Variants in SERGEF observed in about 807,000 individuals in gnomAD.
SERGEF encodes secretion-regulating guanine nucleotide exchange factor.
In SERGEF, 51 loss-of-function variants were observed where a neutral mutation model predicts 50.0. The observed-to-expected ratio is 1.02, with a 90% confidence interval of 0.81 to 1.29. The LOEUF is 1.29. Ranked by LOEUF, SERGEF falls within the 50% of genes most tolerant of loss-of-function variation. SERGEF has a pLI of 0.00. For missense variants in SERGEF, 521 were observed against 557.0 expected, an observed-to-expected ratio of 0.94 and a Z score of 0.65; for synonymous variants, 205 against 212.4, an observed-to-expected ratio of 0.97 and a Z score of 0.30.
intron 9 of SERGEF, among the ~76,000 whole-genome samples, chr11:17,920,043 C>T (rs1436793572): frequency 4.0e-5 from 6 of 151,578 alleles, no homozygotes; most frequent in Admixed American, 2.6e-4. Context: ...GTCAGGGAAT[C>T]GAGACTATCC....
chr11:17,830,265 T>C (rs1286744861), intron 10 of SERGEF, among the ~76,000 whole-genome samples: 2 of 152,242 alleles, frequency 1.3e-5, no homozygotes, highest in Non-Finnish European at 2.9e-5. Flanking sequence ...TAATGCTGAT[T>C]GAATGCATGA....
rs1851471763 is a variant in SERGEF at position 17,888,537 on chromosome 11, A to C, written c.1012-10293T>G. On this transcript the variant is annotated intron_variant, in intron 9 of 10. Coordinates refer to ENST00000265965, the MANE Select transcript of SERGEF (RefSeq NM_012139.4). The surrounding 1 kb of genome is among the most constrained non-coding windows in gnomAD (Gnocchi z 4.1). ...GGAGCCAGAATGCTCACTGTAGTTG[A>C]AGGAAACACAAATATAGAATGAGAG... is the stretch of plus-strand genomic sequence containing the variant. 6.6e-6 allele frequency among the ~76,000 whole-genome samples: 1 copy of C among 152,102 alleles called. No individual in the cohort carries two copies.
At chr11:17,891,188 G>A (rs1851526718) in intron 9 of SERGEF, among the ~76,000 whole-genome samples, 1 of 152,166 alleles carries the variant, frequency 6.6e-6, no homozygotes, top group Non-Finnish European at 1.5e-5. Flanking sequence ...AGATGAACAA[G>A]TAGAAACACA....
intron 9 of SERGEF, among the ~76,000 whole-genome samples, chr11:17,905,824 A>AAAAT (rs1184928222): frequency 2.4e-4 from 37 of 152,244 alleles, no homozygotes; most frequent in African/African-American, 4.3e-4. Context: ...AGGAGCTTGA[A>AAAAT]AAATAAATAA....
At chr11:17,927,393 A>T (rs1852271642) in intron 9 of SERGEF, among the ~76,000 whole-genome samples, 1 of 152,212 alleles carries the variant, frequency 6.6e-6, no homozygotes. Context: ...CTAGACTACC[A>T]ACATACCCGA....
intron 10 of SERGEF, among the ~76,000 whole-genome samples, chr11:17,838,052 A>G (rs945900224): frequency 6.6e-6 from 1 of 152,250 alleles, no homozygotes; most frequent in Non-Finnish European, 1.5e-5. Flanking sequence ...CCTTCAGGGC[A>G]TGCACAACAC....
intron 10 of SERGEF, among the ~76,000 whole-genome samples, chr11:17,865,766 A>G (rs1014926019): frequency 1.3e-5 from 2 of 152,246 alleles, no homozygotes; most frequent in African/African-American, 4.8e-5. Context: ...AACATGTTAT[A>G]GTAAGCTATG....
At chr11:17,800,056 A>G (rs886968391) in intron 10 of SERGEF, among the ~76,000 whole-genome samples, 1 of 152,200 alleles carries the variant, frequency 6.6e-6, no homozygotes, top group African/African-American at 2.4e-5. Context: ...TTTTCTAAAC[A>G]GTAAAATTTT....
At chr11:17,973,077 T>C (rs1247395188) in intron 8 of SERGEF, among the ~76,000 whole-genome samples, 1 of 151,984 alleles carries the variant, frequency 6.6e-6, no homozygotes, top group African/African-American at 2.4e-5. Context: ...CTGATGACGA[T>C]GACTCACAGT....
In SERGEF at chr11:17,792,016, T is replaced by G. The variant is rs190808499; in HGVS notation, c.1049-3603A>C. On this transcript the variant is annotated intron_variant, in intron 10 of 10. Coordinates refer to ENST00000265965, the MANE Select transcript of SERGEF (RefSeq NM_012139.4). ...TGTATGGTTCTACGCAGTAAAAACT[T>G]CTTTTTGATAGTTCAAGGATTTGAA... Among the ~76,000 whole-genome samples, 9 of 152,356 alleles carry G rather than the reference T, an allele frequency of 5.9e-5. No homozygotes were observed. In the East Asian group the frequency reaches 1.5e-3, roughly 26 times the overall value.
At chr11:17,965,314 C>T (rs2133976418) in intron 8 of SERGEF, among the ~76,000 whole-genome samples, 1 of 152,290 alleles carries the variant, frequency 6.6e-6, no homozygotes, top group South Asian at 2.1e-4. Context: ...CCTGAGGCCT[C>T]CCCAGCCATG....
At chr11:17,844,162 A>G (rs896344932) in intron 10 of SERGEF, among the ~76,000 whole-genome samples, 4 of 152,214 alleles carry the variant, frequency 2.6e-5, no homozygotes, top group African/African-American at 9.6e-5. Context: ...ACACACAGGA[A>G]TCAATACTTC....
At chr11:17,847,204 G>A (rs943704911) in intron 10 of SERGEF, among the ~76,000 whole-genome samples, 4 of 152,224 alleles carry the variant, frequency 2.6e-5, no homozygotes, top group South Asian at 2.1e-4. Flanking sequence ...GTGGGTGGGC[G>A]CCAGAGCACA....
chr11:17,846,719 A>C (rs1056048245), intron 10 of SERGEF: 10 of 456,136 alleles, frequency 2.2e-5, no homozygotes, highest in Non-Finnish European at 4.0e-5. Flanking sequence ...CTCCATTTCC[A>C]CATCAGCAAA....
intron 10 of SERGEF, among the ~76,000 whole-genome samples, chr11:17,876,160 C>G (rs1432380409): frequency 1.3e-5 from 2 of 152,222 alleles, no homozygotes; most frequent in Non-Finnish European, 1.5e-5. Flanking sequence ...TCCTGGCCAC[C>G]AGGCAGGTAC....
At chr11:17,877,989 C>G (rs1031544020) in intron 10 of SERGEF, 2 of 475,022 alleles carry the variant, frequency 4.2e-6, no homozygotes, top group Admixed American at 4.1e-5. Context: ...GGGAGGCCAG[C>G]TCAGGTACCT....
chr11:17,788,349 G>C lies in SERGEF; in HGVS notation c.1113C>G (p.Asn371Lys), dbSNP rs760279022. The C allele has an allele frequency of 6.2e-7, 1 of 1,614,102 alleles. No homozygotes were observed. The highest frequency in any genetic ancestry group is 8.5e-7 in the Non-Finnish European group (1 of 1,179,962). Reference protein sequence around the residue: ...HGMCGDGTEANVWAPKPVQAL... With the variant: ...HGMCGDGTEAKVWAPKPVQAL... Reference sequence around the variant, plus strand: ...CCTGCACCGGCTTTGGGGCCCAGACGTTGGCTTCAGTGCCATCTCCGCACA... The same window carrying C: ...CCTGCACCGGCTTTGGGGCCCAGACCTTGGCTTCAGTGCCATCTCCGCACA... Residue 371 changes from asparagine (N) to lysine (K), a missense_variant, in exon 11 of 11, where the codon AAC becomes AAG. Transcript: ENST00000265965.
intron 9 of SERGEF, among the ~76,000 whole-genome samples, chr11:17,952,335 C>A (rs1852788035): frequency 6.6e-6 from 1 of 152,152 alleles, no homozygotes; most frequent in African/African-American, 2.4e-5. Flanking sequence ...AAAAGAGGTA[C>A]ACAGTTCAAT....
intron 10 of SERGEF, among the ~76,000 whole-genome samples, chr11:17,810,937 C>T (rs573300015): frequency 1.3e-5 from 2 of 152,134 alleles, no homozygotes; most frequent in Non-Finnish European, 2.9e-5. Context: ...CTTTTACATC[C>T]GAAAGAGATT....
Sources: allele counts gnomAD v4.1 joint callset (sites outside exome capture counted in the v4.1 genomes callset), GRCh38; gene constraint gnomAD v4.1.1; non-coding constraint Gnocchi (gnomAD v3.1); transcripts MANE v1.5; gene names NCBI Gene and HGNC (gene_info 2026-07-23, HGNC 2026-07-21).